Variants in HFM1 observed in about 807,000 individuals in gnomAD.
HFM1 encodes helicase for meiosis 1, also known as probable ATP-dependent DNA helicase HFM1.
Under a neutral mutation model 192.1 loss-of-function variants are expected in HFM1, and 169 were observed. The ratio of observed to expected loss-of-function variants is 0.88; its 90% CI spans 0.78 to 1.00. The LOEUF (loss-of-function observed/expected upper bound fraction) is 1.00. Ranked by LOEUF, HFM1 falls within the 50% of genes least tolerant of loss-of-function variation. The pLI, the probability that HFM1 is intolerant of heterozygous loss-of-function variation, is 0.00. For missense variants in HFM1, 1,661 were observed against 1,668.0 expected (o/e 1.00, Z 0.07); for synonymous variants, 525 against 537.8 (o/e 0.98, Z 0.33).
intron 34 of HFM1, among the ~76,000 whole-genome samples, chr1:91,268,521 C>A (rs1253468926): frequency 6.6e-6 from 1 of 151,872 alleles, no homozygotes; most frequent in Non-Finnish European, 1.5e-5. Flanking sequence ...ACAACAGTAC[C>A]TACCTCAAAA....
intron 36 of HFM1, 34 bp from the exon 37 acceptor site, chr1:91,262,626 G>T: frequency 7.8e-7 from 1 of 1,290,134 alleles, no homozygotes; most frequent in Non-Finnish European, 1.1e-6. Flanking sequence ...GTAAAATACG[G>T]CAAACAAGAA....
chr1:91,377,293 T>C (rs1417800179), intron 11 of HFM1: 2 of 151,880 alleles, frequency 1.3e-5, no homozygotes, highest in African/African-American at 4.8e-5. Flanking sequence ...TGATTAATTG[T>C]GCCAAATTAA....
At chr1:91,318,676 A>G (rs1651617368) in intron 25 of HFM1, among the ~76,000 whole-genome samples, 1 of 152,218 alleles carries the variant, frequency 6.6e-6, no homozygotes, top group Admixed American at 6.5e-5. Flanking sequence ...AAGAGGTGAC[A>G]TAATTTTCTG....
intron 13 of HFM1, among the ~76,000 whole-genome samples, chr1:91,374,947 G>A (rs900602546): frequency 1.1e-4 from 16 of 152,072 alleles, no homozygotes; most frequent in African/African-American, 3.6e-4. Context: ...AGGTGAAAAG[G>A]GGACTGAGAA....
chr1:91,399,679 G>A (rs1664077662), intron 2 of HFM1, among the ~76,000 whole-genome samples: 1 of 152,016 alleles, frequency 6.6e-6, no homozygotes, highest in African/African-American at 2.4e-5. Flanking sequence ...GCCTTCAAAT[G>A]CCCACTTCTT....
intron 13 of HFM1, among the ~76,000 whole-genome samples, chr1:91,368,485 T>A (rs1659700777): frequency 6.6e-6 from 1 of 152,136 alleles, no homozygotes; most frequent in Non-Finnish European, 1.5e-5. Flanking sequence ...GAATTTCATA[T>A]CCAGCCAAAC....
intron 34 of HFM1, among the ~76,000 whole-genome samples, chr1:91,270,542 C>A: frequency 1.4e-5 from 2 of 147,536 alleles, no homozygotes; most frequent in South Asian, 2.2e-4. Context: ...TTGGGTGATA[C>A]TGTATAGGAA....
At chr1:91,340,961 T>A (rs1283974973) in intron 20 of HFM1, among the ~76,000 whole-genome samples, 1 of 152,160 alleles carries the variant, frequency 6.6e-6, no homozygotes, top group Admixed American at 6.5e-5. Context: ...TTTATAGACC[T>A]ACAAAGAGAC....
chr1:91,319,418 C>G (rs1438509806), intron 23 of HFM1, 28 bp from the exon 24 acceptor site: 1 of 1,404,488 alleles, frequency 7.1e-7, no homozygotes, highest in South Asian at 1.2e-5. Flanking sequence ...AATTGTTACT[C>G]CCTTTTAAGG....
intron 20 of HFM1, among the ~76,000 whole-genome samples, chr1:91,334,875 G>A (rs12094120): frequency 0.2 from 29,639 of 151,192 alleles, 3,300 homozygotes; most frequent in Non-Finnish European, 0.26. Flanking sequence ...GTTGCAGTGA[G>A]CCGAGATCGT....
At chr1:91,285,299 T>C (rs1333927722) in intron 30 of HFM1, among the ~76,000 whole-genome samples, 2 of 152,222 alleles carry the variant, frequency 1.3e-5, no homozygotes, top group African/African-American at 4.8e-5. Flanking sequence ...CATGTTTTTG[T>C]TTTTATATAT....
intron 20 of HFM1, among the ~76,000 whole-genome samples, chr1:91,335,524 A>T (rs1349448930): frequency 6.6e-5 from 10 of 152,198 alleles, no homozygotes. Context: ...GGGAATGAAA[A>T]GTAATTTTTA....
upstream of HFM1, among the ~76,000 whole-genome samples, chr1:91,405,928 T>G (rs1664784288): frequency 6.6e-6 from 1 of 152,232 alleles, no homozygotes; most frequent in African/African-American, 2.4e-5. Context: ...TTCCATAGAC[T>G]GCATAGAGGA....
intron 30 of HFM1, among the ~76,000 whole-genome samples, chr1:91,304,223 C>G (rs1409292391): frequency 1.3e-5 from 2 of 152,056 alleles, no homozygotes. Context: ...TATATATACT[C>G]AATACAAGTT....
chr1:91,274,136 C>A (rs1006177208), intron 33 of HFM1, among the ~76,000 whole-genome samples: 9 of 151,806 alleles, frequency 5.9e-5, no homozygotes, highest in African/African-American at 2.2e-4. Context: ...CCTTATCTAG[C>A]AGGGAAATTA....
chr1:91,282,496 T>C (rs1667547819), intron 30 of HFM1, among the ~76,000 whole-genome samples: 1 of 152,240 alleles, frequency 6.6e-6, no homozygotes, highest in African/African-American at 2.4e-5. Flanking sequence ...TTCTACATTT[T>C]CCTAAAATGT....
In HFM1 at chr1:91,387,058, C is replaced by G. The variant is rs17131421; in HGVS notation, c.495-1224G>C. 2.8e-3 allele frequency among the ~76,000 whole-genome samples: 431 copies of G among 152,326 alleles called. 2 individuals carry two copies. Among genetic ancestry groups the G allele is most frequent in the Middle Eastern group, 0.024 (7 of 294 alleles). On this transcript the variant is annotated intron_variant, in intron 4 of 38. Coordinates refer to ENST00000370425, the MANE Select transcript of HFM1 (RefSeq NM_001017975.6). ...ATCAAAAGACAATCTATCGAAGTAA[C>G]TTGTTCACAATATCCCTAAGGGATG...
chr1:91,374,454 G>A (rs1660657474), intron 13 of HFM1, among the ~76,000 whole-genome samples: 1 of 152,150 alleles, frequency 6.6e-6, no homozygotes, highest in African/African-American at 2.4e-5. Context: ...GCCTAGGCAA[G>A]AGATTACTAG....
rs1012439211 is a variant in HFM1, at chr1:91,353,090, C to G, written c.1792G>C (p.Val598Leu). Residue 598 changes from valine to leucine, a missense_variant, in exon 15 of 39, where the codon GTT becomes CTT. Physicochemically the swap from Val to Leu is conservative, Grantham distance 32. Transcript: ENST00000370425. ...AGMELSDRKV[V>L]EGAFTVGDLP... is the part of the protein sequence containing the mutation. ...TCTCCAACAGTAAAAGCTCCCTCAA[C>G]TACTTTTCTATCTGACAGCTCCATA... 6.2e-6 allele frequency: 10 copies of G among 1,610,648 alleles called. No homozygotes were observed. Among genetic ancestry groups the G allele is most frequent in the Non-Finnish European group, 8.5e-6 (10 of 1,177,512 alleles).
Sources: gnomAD v4.1 joint callset for allele counts (sites outside exome capture counted in the v4.1 genomes callset) on GRCh38, gnomAD v4.1.1 for gene constraint, MANE v1.5 for transcripts, NCBI Gene and HGNC (gene_info 2026-07-23, HGNC 2026-07-21) for gene names.